The following ESR1 variants were observed in gnomAD, a reference collection of about 807,000 sequenced individuals.
ESR1 encodes estrogen receptor.
ESR1 carries 12 observed loss-of-function variants against 52.7 expected under a neutral mutation model. That is an observed-to-expected ratio of 0.23 (90% confidence interval 0.15 to 0.37). The LOEUF is 0.37. Among genes scored for constraint, ESR1 ranks in the 10% least tolerant of loss-of-function variants. ESR1 has a pLI of 1.00. For synonymous variants in ESR1, 305 were observed against 316.8 expected (o/e 0.96, Z 0.39); for missense variants, 584 against 779.7 (o/e 0.75, Z 2.99).
chr6:152,081,776 A>T (rs1414812219), intron 6 of ESR1, among the ~76,000 whole-genome samples: 1 of 152,154 alleles, frequency 6.6e-6, no homozygotes, highest in Non-Finnish European at 1.5e-5. Context: ...AGATGCAATA[A>T]AAAATGATAA....
chr6:151,956,984 C>G (rs912327698), intron 4 of ESR1, among the ~76,000 whole-genome samples: 5 of 150,738 alleles, frequency 3.3e-5, no homozygotes, highest in Non-Finnish European at 5.9e-5. Context: ...TCATGCCATT[C>G]TTCTGCCTCA....
At chr6:151,858,045 C>T (rs1045639589) in intron 2 of ESR1, among the ~76,000 whole-genome samples, 1 of 152,060 alleles carries the variant, frequency 6.6e-6, no homozygotes, top group African/African-American at 2.4e-5. Context: ...TCCCTCAGTA[C>T]AGAAAGATTA....
chr6:151,805,192 C>T (rs879497811), upstream of ESR1: 5 of 152,304 alleles, frequency 3.3e-5, no homozygotes, highest in Middle Eastern at 3.4e-3. Flanking sequence ...GTCTGGTTTC[C>T]TGGTGCAATC....
intron 2 of ESR1, among the ~76,000 whole-genome samples, chr6:151,773,173 C>T (rs1375213291): frequency 6.6e-6 from 1 of 152,144 alleles, no homozygotes; most frequent in African/African-American, 2.4e-5. Context: ...GACAGAGACA[C>T]ACACATAGGG....
chr6:151,873,376 T>A (rs951440008), intron 2 of ESR1, among the ~76,000 whole-genome samples: 1 of 152,194 alleles, frequency 6.6e-6, no homozygotes, highest in Non-Finnish European at 1.5e-5. Context: ...TATAACACAC[T>A]TCCTGGCATG....
intron 6 of ESR1, among the ~76,000 whole-genome samples, chr6:152,093,199 C>T (rs1229859639): frequency 6.6e-6 from 1 of 151,610 alleles, no homozygotes; most frequent in Admixed American, 6.6e-5. Flanking sequence ...CTGTTTAAAC[C>T]TGGGAGGCAG....
chr6:152,109,265 C>T (rs1318409393), intron 6 of ESR1, among the ~76,000 whole-genome samples: 1 of 152,164 alleles, frequency 6.6e-6, no homozygotes, highest in African/African-American at 2.4e-5. Flanking sequence ...GACACAGATC[C>T]AAACTACATC....
intron 2 of ESR1, among the ~76,000 whole-genome samples, chr6:151,790,668 A>G (rs1196643534): frequency 6.6e-6 from 1 of 151,994 alleles, no homozygotes; most frequent in Non-Finnish European, 1.5e-5. Context: ...AGCCCAACAC[A>G]GGGACTAAAT....
At chr6:151,851,713 A>G (rs988359313) in intron 2 of ESR1, among the ~76,000 whole-genome samples, 5 of 152,104 alleles carry the variant, frequency 3.3e-5, no homozygotes, top group Non-Finnish European at 7.4e-5. Context: ...TTTTTAGTAG[A>G]GACGGGGTTT....
intron 6 of ESR1, among the ~76,000 whole-genome samples, chr6:152,119,551 T>A (rs1585283253): frequency 1.3e-5 from 2 of 152,186 alleles, no homozygotes; most frequent in East Asian, 3.8e-4. Context: ...AACCCTTCCC[T>A]TCCCATCCTT....
At chr6:151,786,822 C>G (rs1787076474) in intron 2 of ESR1, among the ~76,000 whole-genome samples, 1 of 151,902 alleles carries the variant, frequency 6.6e-6, no homozygotes, top group African/African-American at 2.4e-5. Flanking sequence ...TTTTATTTTA[C>G]TTTTTGAGAT....
intron 5 of ESR1, among the ~76,000 whole-genome samples, chr6:152,023,863 G>T (rs2043898190): frequency 6.6e-6 from 1 of 152,076 alleles, no homozygotes; most frequent in Non-Finnish European, 1.5e-5. Flanking sequence ...AGCAGGGGTT[G>T]GCATACTTTA....
chr6:152,054,918 A>G (rs1215762969), intron 5 of ESR1, among the ~76,000 whole-genome samples: 1 of 152,196 alleles, frequency 6.6e-6, no homozygotes, highest in African/African-American at 2.4e-5. Flanking sequence ...GCAGGGTGCT[A>G]TGGAATGACA....
Position 152,094,287 on chromosome 6 carries a change from A to C in ESR1, c.1370-98A>C. 1 of 991,226 alleles carries C rather than the reference A, an allele frequency of 1.0e-6. No individual in the cohort carries two copies. Among genetic ancestry groups the C allele is most frequent in the Non-Finnish European group, 1.6e-6 (1 of 614,130 alleles). 61.4% of individuals were successfully genotyped at this position (991,226 alleles called of 1,614,324 possible). On this transcript the variant is annotated intron_variant, in intron 6 of 7. Coordinates refer to ENST00000206249, the MANE Select transcript of ESR1 (RefSeq NM_000125.4). This position sits in a 1 kb window ranked among gnomAD's most constrained non-coding sequence, Gnocchi z 4.6. ...CATTGCTAGACTACTGTGCTGAGGA[A>C]GGGCACTGGCTCATTGTTACATCCC...
intron 5 of ESR1, among the ~76,000 whole-genome samples, chr6:152,033,948 A>G (rs1259429631): frequency 6.6e-6 from 1 of 152,192 alleles, no homozygotes; most frequent in Non-Finnish European, 1.5e-5. Flanking sequence ...ATACCATGGA[A>G]TACTATGCAG....
intron 2 of ESR1, among the ~76,000 whole-genome samples, chr6:151,797,934 A>T (rs879347206): frequency 2.6e-5 from 4 of 152,206 alleles, no homozygotes; most frequent in Non-Finnish European, 4.4e-5. Context: ...ATACCTACAT[A>T]TGAGGTGGGA....
At chr6:151,919,554 A>G (rs1305819189) in intron 3 of ESR1, among the ~76,000 whole-genome samples, 1 of 152,206 alleles carries the variant, frequency 6.6e-6, no homozygotes, top group Non-Finnish European at 1.5e-5. Context: ...GAGGCCCACT[A>G]CAGCATTGTG....
In ESR1 at chr6:151,789,229, AT is replaced by A. The variant is rs1209097337; in HGVS notation, c.-70-18607del. On this transcript the variant is annotated intron_variant, in intron 2 of 2. Coordinates refer to the ESR1 transcript ENST00000404742. ...CCATTTTGGAAAATAGCCAAGGAAA[AT>A]TTTTTTATTGAGTCAGATGATGTTA... is the stretch of plus-strand genomic sequence containing the variant. Among the ~76,000 whole-genome samples the A allele has an allele frequency of 9.9e-5, 15 of 152,252 alleles. No individual in the cohort carries two copies. In the East Asian group the frequency reaches 2.1e-3, roughly 22 times the overall value.
rs935263332 is a variant in ESR1 at position 152,053,309 on chromosome 6, C to T, written c.1236-7682C>T. ...CTATCCAGCCACACCTCTGACCATT[C>T]AACCATTTGTCCTCTTGATTGGTTC... On this transcript the variant is annotated intron_variant, in intron 5 of 7. Coordinates refer to ENST00000206249, the MANE Select transcript of ESR1 (RefSeq NM_000125.4). The surrounding 1 kb of genome is among the most constrained non-coding windows in gnomAD (Gnocchi z 4.1). Among the ~76,000 whole-genome samples the T allele has an allele frequency of 2.0e-5, 3 of 152,068 alleles. No individual in the cohort carries two copies. Among genetic ancestry groups the T allele is most frequent in the Non-Finnish European group, 4.4e-5 (3 of 68,016 alleles).
Sources: allele counts gnomAD v4.1 joint callset (sites outside exome capture counted in the v4.1 genomes callset), GRCh38; gene constraint gnomAD v4.1.1; non-coding constraint Gnocchi (gnomAD v3.1); transcripts MANE v1.5; gene names NCBI Gene and HGNC (gene_info 2026-07-23, HGNC 2026-07-21).